Variants in FSTL5 observed in about 807,000 individuals in gnomAD.
FSTL5 encodes the protein follistatin-related protein 5.
In FSTL5, 62 loss-of-function variants were observed where a neutral mutation model predicts 89.1. The observed-to-expected ratio is 0.70, with a 90% CI of 0.57 to 0.86. FSTL5 has a LOEUF of 0.86. Among genes scored for constraint, FSTL5 ranks in the 40% least tolerant of loss-of-function variants. The pLI is 0.00. For synonymous variants in FSTL5, 383 were observed against 346.2 expected, an observed-to-expected ratio of 1.11 and a Z score of -1.18; for missense variants, 1,057 against 1,001.6, an observed-to-expected ratio of 1.06 and a Z score of -0.75.
chr4:161,676,536 G>T (rs895085134), intron 6 of FSTL5, among the ~76,000 whole-genome samples: 1 of 152,018 alleles, frequency 6.6e-6, no homozygotes, highest in African/African-American at 2.4e-5. Flanking sequence ...ATAGCATTAG[G>T]AGAAATACCT....
chr4:161,522,460 C>T (rs1011530617), intron 10 of FSTL5, among the ~76,000 whole-genome samples: 2 of 151,600 alleles, frequency 1.3e-5, no homozygotes, highest in Admixed American at 6.6e-5. Flanking sequence ...CTTTTCCTCC[C>T]GTATTATATA....
chr4:161,642,337 C>T (rs1174710420), intron 7 of FSTL5, among the ~76,000 whole-genome samples: 2 of 151,954 alleles, frequency 1.3e-5, no homozygotes, highest in African/African-American at 2.4e-5. Context: ...AATTTTGTAC[C>T]CCTTTACTAT....
intron 8 of FSTL5, among the ~76,000 whole-genome samples, chr4:161,556,828 ATG>A (rs150645678): frequency 0.012 from 1,797 of 147,272 alleles, 29 homozygotes; most frequent in Non-Finnish European, 0.019. Flanking sequence ...TTATATATAT[ATG>A]TGTGTGTGTG....
chr4:161,894,559 G>A (rs1002985789), intron 4 of FSTL5, among the ~76,000 whole-genome samples: 1 of 152,026 alleles, frequency 6.6e-6, no homozygotes, highest in Non-Finnish European at 1.5e-5. Flanking sequence ...TTGGCTCACT[G>A]CAACTTCCAC....
chr4:161,569,270 C>G (rs1304032348), intron 8 of FSTL5, among the ~76,000 whole-genome samples: 1 of 152,014 alleles, frequency 6.6e-6, no homozygotes, highest in Non-Finnish European at 1.5e-5. Flanking sequence ...AATTAATGAA[C>G]AAATACAAAG....
At chr4:161,626,470 C>T (rs1735320601) in intron 7 of FSTL5, among the ~76,000 whole-genome samples, 1 of 152,130 alleles carries the variant, frequency 6.6e-6, no homozygotes, top group African/African-American at 2.4e-5. Flanking sequence ...TTGAGACATA[C>T]TGCTCATAAA....
intron 3 of FSTL5, among the ~76,000 whole-genome samples, chr4:161,939,282 T>C (rs1364220371): frequency 2.0e-5 from 3 of 151,944 alleles, no homozygotes; most frequent in Admixed American, 6.6e-5. Flanking sequence ...ATGTATTAAA[T>C]TGGAACAGTG....
At chr4:162,031,266 G>C (rs1737510883) in intron 3 of FSTL5, among the ~76,000 whole-genome samples, 1 of 152,106 alleles carries the variant, frequency 6.6e-6, no homozygotes, top group African/African-American at 2.4e-5. Context: ...TCCTGACAAT[G>C]TAATAAATGT....
chr4:161,534,522 T>A (rs145651654), intron 10 of FSTL5, among the ~76,000 whole-genome samples: 118 of 152,134 alleles, frequency 7.8e-4, no homozygotes, highest in African/African-American at 2.8e-3. Context: ...TAACCAATTA[T>A]GGGAAAGATC....
chr4:161,454,447 T>C (rs563102607), intron 15 of FSTL5, among the ~76,000 whole-genome samples: 2 of 152,260 alleles, frequency 1.3e-5, no homozygotes, highest in East Asian at 3.9e-4. Context: ...CATCAAGAGA[T>C]AAAACACACT....
intron 7 of FSTL5, among the ~76,000 whole-genome samples, chr4:161,605,330 TA>T (rs1330893104): frequency 5.9e-5 from 9 of 152,198 alleles, no homozygotes; most frequent in Admixed American, 6.5e-5. Flanking sequence ...GCCACATTGA[TA>T]CATTTATTTA....
At position 162,084,241 on chromosome 4, in the gene FSTL5, C is replaced by A. The variant is rs1040023359; in HGVS notation, c.126+27030G>T. Among the ~76,000 whole-genome samples, 3 of 151,756 alleles carry A rather than the reference C, an allele frequency of 2.0e-5. No homozygotes were observed. In the East Asian group the frequency reaches 5.8e-4, roughly 29 times the overall value. ...ACACAAAATAATCCTGATTGGTCAA[C>A]GTCTATACAATACTTATTGTTAAAT... On this transcript the variant is annotated intron_variant, in intron 2 of 15. Coordinates refer to ENST00000306100, the MANE Select transcript of FSTL5 (RefSeq NM_020116.5).
chr4:161,432,295 C>T (rs1027428471), intron 15 of FSTL5, among the ~76,000 whole-genome samples: 1 of 151,930 alleles, frequency 6.6e-6, no homozygotes, highest in African/African-American at 2.4e-5. Context: ...AAATCAGTAA[C>T]AAGAGGAATT....
At chr4:161,951,509 T>G (rs976516798) in intron 3 of FSTL5, among the ~76,000 whole-genome samples, 1 of 152,154 alleles carries the variant, frequency 6.6e-6, no homozygotes, top group African/African-American at 2.4e-5. Flanking sequence ...CTTCTCTGTC[T>G]TTTTATCATT....
intron 10 of FSTL5, among the ~76,000 whole-genome samples, chr4:161,532,338 T>C (rs1373584362): frequency 6.6e-6 from 1 of 152,182 alleles, no homozygotes; most frequent in Non-Finnish European, 1.5e-5. Flanking sequence ...TTATTTCATA[T>C]TAAAGATAAG....
chr4:161,750,771 A>C (rs1407640534), intron 6 of FSTL5, among the ~76,000 whole-genome samples: 2 of 152,206 alleles, frequency 1.3e-5, no homozygotes, highest in African/African-American at 4.8e-5. Context: ...CATAATCCTT[A>C]GGCAAATCCT....
At chr4:161,597,214 G>A (rs1734046565) in intron 7 of FSTL5, among the ~76,000 whole-genome samples, 1 of 152,078 alleles carries the variant, frequency 6.6e-6, no homozygotes, top group Admixed American at 6.6e-5. Flanking sequence ...TGTATAAGGT[G>A]TAATGAAGGG....
At chr4:162,120,362 C>A (rs150967823) in intron 1 of FSTL5, among the ~76,000 whole-genome samples, 34 of 152,146 alleles carry the variant, frequency 2.2e-4, no homozygotes, top group African/African-American at 7.7e-4. Flanking sequence ...TATTTGTTGT[C>A]CAAAACCATC....
chr4:161,981,288 T>C (rs969228995), intron 3 of FSTL5, among the ~76,000 whole-genome samples: 9 of 152,196 alleles, frequency 5.9e-5, no homozygotes, highest in African/African-American at 1.9e-4. Context: ...ACATGGTCTC[T>C]ACCAGAAGTT....
Sources: allele counts gnomAD v4.1 joint callset (sites outside exome capture counted in the v4.1 genomes callset), GRCh38; gene constraint gnomAD v4.1.1; transcripts MANE v1.5; gene names NCBI Gene and HGNC (gene_info 2026-07-23, HGNC 2026-07-21).